The following PBX1 variants were observed in gnomAD, a reference collection of about 807,000 sequenced individuals.
PBX1 encodes PBX homeobox 1.
In PBX1, 6 loss-of-function variants were observed where a neutral mutation model predicts 53.4. That is an observed-to-expected ratio of 0.11 (90% CI 0.06 to 0.22). The LOEUF (loss-of-function observed/expected upper bound fraction) is 0.22. Among genes scored for constraint, PBX1 ranks in the 10% least tolerant of loss-of-function variants. The pLI is 1.00. For synonymous variants in PBX1, 204 were observed against 212.3 expected, an observed-to-expected ratio of 0.96 and a Z score of 0.34; for missense variants, 251 against 551.4, an observed-to-expected ratio of 0.46 and a Z score of 5.46.
chr1:164,631,765 A>G (rs926437609), intron 2 of PBX1, among the ~76,000 whole-genome samples: 1 of 152,274 alleles, frequency 6.6e-6, no homozygotes, highest in African/African-American at 2.4e-5. Flanking sequence ...AAGATAAATC[A>G]GCTATTGTAG....
chr1:164,743,834 T>C (rs1665749107), intron 2 of PBX1, among the ~76,000 whole-genome samples: 1 of 152,136 alleles, frequency 6.6e-6, no homozygotes, highest in African/African-American at 2.4e-5. Flanking sequence ...TTAAGAAGCC[T>C]TCTTAAAACT....
chr1:164,677,893 G>A (rs1661530783), intron 2 of PBX1, among the ~76,000 whole-genome samples: 1 of 152,176 alleles, frequency 6.6e-6, no homozygotes, highest in African/African-American at 2.4e-5. Flanking sequence ...AGATTATGGA[G>A]AGGAGGCAAA....
chr1:164,605,631 C>T (rs1207805567), intron 2 of PBX1, among the ~76,000 whole-genome samples: 1 of 152,098 alleles, frequency 6.6e-6, no homozygotes. Flanking sequence ...GTGAAGCCCT[C>T]CTGTAAAAGG....
At chr1:164,885,615 C>T (rs571839492) in intron 2 of PBX1, among the ~76,000 whole-genome samples, 14 of 152,166 alleles carry the variant, frequency 9.2e-5, no homozygotes, top group Non-Finnish European at 2.1e-4. Flanking sequence ...AATCCTGGCT[C>T]CGTCTTCAAG....
At chr1:164,790,882 G>A (rs1179049722) in intron 2 of PBX1, among the ~76,000 whole-genome samples, 1 of 152,042 alleles carries the variant, frequency 6.6e-6, no homozygotes, top group Non-Finnish European at 1.5e-5. Flanking sequence ...GTTACAACCC[G>A]AAGCCCTGCT....
At chr1:164,802,599 C>T in intron 4 of PBX1, among the ~76,000 whole-genome samples, 1 of 152,200 alleles carries the variant, frequency 6.6e-6, no homozygotes, top group East Asian at 1.9e-4. Context: ...CTATGCCATC[C>T]ACTTACAGGG....
intron 2 of PBX1, among the ~76,000 whole-genome samples, chr1:164,630,633 A>AG (rs1658351159): frequency 6.6e-6 from 1 of 152,220 alleles, no homozygotes; most frequent in South Asian, 2.1e-4. Context: ...AGGGATTATT[A>AG]GTCCCACTTG....
chr1:164,807,406 C>A, intron 4 of PBX1, 136 bp from the exon 5 acceptor site: 1 of 1,026,718 alleles, frequency 9.7e-7, no homozygotes, highest in Non-Finnish European at 1.4e-6. Context: ...TGGCATCCAG[C>A]CCCTTTTGGT....
intron 2 of PBX1, among the ~76,000 whole-genome samples, chr1:164,754,680 CGTGCGTGCGT>C (rs754646420): frequency 6.6e-6 from 1 of 151,918 alleles, no homozygotes; most frequent in Non-Finnish European, 1.5e-5. Context: ...CGTGCGTGCA[CGTGCGTGCGT>C]GTGTGTGTGT....
At chr1:164,590,954 CCTT>C (rs1454947472) in intron 2 of PBX1, among the ~76,000 whole-genome samples, 13 of 152,210 alleles carry the variant, frequency 8.5e-5, no homozygotes, top group Admixed American at 5.2e-4. Context: ...AAGTGATTCT[CCTT>C]CTTCAGCCTC....
chr1:164,680,422 T>C lies in PBX1; in HGVS notation c.266-112072T>C, dbSNP rs1661691527. ...TAATTTTTGATTCAGTGGGTACACA[T>C]ACAGGTTTTATTACCTGAGTATATT... On this transcript the variant is annotated intron_variant, in intron 2 of 8. Transcript: ENST00000420696. 4 of 152,212 alleles carry C rather than the reference T, an allele frequency of 2.6e-5. No homozygotes were observed. The South Asian group carries it at 8.3e-4, about 32-fold the overall frequency. The allele number at this position is 152,212 out of a possible 1,614,324, so 9.4% of individuals were successfully genotyped here. A position where few individuals can be genotyped will look rare whatever the true frequency, so the allele number is the denominator to read the frequency against.
Position 164,850,815 on chromosome 1 carries a change from A to G in PBX1, c.*4139A>G, listed in dbSNP as rs1671798746. ...AACGTTTAGTCCAAGGGAACTTTTT[A>G]TGCTATCAGGAAAGGTTTTTGCTGT... is the stretch of plus-strand genomic sequence containing the variant. On this transcript the variant is annotated 3_prime_UTR_variant, in exon 9 of 9. Transcript: ENST00000420696. 3 of 209,448 alleles carry G rather than the reference A, an allele frequency of 1.4e-5. No individual in the cohort carries two copies. The highest frequency in any genetic ancestry group is 7.2e-5 in the East Asian group (1 of 13,910). 13.0% of individuals were successfully genotyped at this position (209,448 alleles called of 1,614,324 possible).
intron 8 of PBX1, among the ~76,000 whole-genome samples, chr1:164,825,716 T>G (rs1481887273): frequency 1.3e-5 from 2 of 152,222 alleles, no homozygotes; most frequent in African/African-American, 4.8e-5. Flanking sequence ...ATTGCAGACA[T>G]AATTATCCTC....
intron 2 of PBX1, among the ~76,000 whole-genome samples, chr1:164,690,609 G>GA (rs1408289007): frequency 7.0e-6 from 1 of 143,430 alleles, no homozygotes; most frequent in Non-Finnish European, 1.5e-5. Context: ...TCTAAAAGAA[G>GA]AAAAAATTTA....
intron 4 of PBX1, among the ~76,000 whole-genome samples, chr1:164,800,141 A>G (rs551211526): frequency 2.0e-5 from 3 of 152,330 alleles, no homozygotes; most frequent in African/African-American, 7.2e-5. Flanking sequence ...ACTTAGGTAC[A>G]GTGAGATTTT....
chr1:164,743,937 A>G (rs75701246), intron 2 of PBX1, among the ~76,000 whole-genome samples: 5,722 of 152,296 alleles, frequency 0.038, 187 homozygotes, highest in East Asian at 0.14. Context: ...GTAATAATTT[A>G]CCTGGGCATA....
chr1:164,695,532 G>A (rs191871882), intron 2 of PBX1, among the ~76,000 whole-genome samples: 1 of 152,332 alleles, frequency 6.6e-6, no homozygotes, highest in Non-Finnish European at 1.5e-5. Context: ...GGCCTTGCCT[G>A]AGTATCCTGA....
intron 2 of PBX1, among the ~76,000 whole-genome samples, chr1:164,630,462 C>T (rs776954299): frequency 2.6e-5 from 4 of 152,096 alleles, no homozygotes; most frequent in Admixed American, 6.5e-5. Flanking sequence ...TGTAGCAATT[C>T]GTGATTTGCT....
chr1:164,871,518 G>A (rs2102455056), intron 2 of PBX1, among the ~76,000 whole-genome samples: 1 of 152,350 alleles, frequency 6.6e-6, no homozygotes, highest in East Asian at 1.9e-4. Context: ...TTTTTCTACA[G>A]ATTTCATGGC....
Sources: allele counts gnomAD v4.1 joint callset (sites outside exome capture counted in the v4.1 genomes callset), GRCh38; gene constraint gnomAD v4.1.1; transcripts MANE v1.5; gene names NCBI Gene and HGNC (gene_info 2026-07-23, HGNC 2026-07-21).